SMCHD1: variants seen among roughly 807,000 people sequenced by gnomAD.
The protein encoded by SMCHD1 is structural maintenance of chromosomes flexible hinge domain containing 1.
SMCHD1 carries 78 observed loss-of-function variants against 254.7 expected under a neutral mutation model. The observed-to-expected ratio is 0.31, with a 90% confidence interval of 0.26 to 0.37. SMCHD1 has a LOEUF of 0.37. SMCHD1 is among the 10% of genes least tolerant of loss of function. The pLI is 1.00. For missense variants in SMCHD1, 1,840 were observed against 2,408.1 expected (o/e 0.76, Z 4.94); for synonymous variants, 766 against 794.9 (o/e 0.96, Z 0.61).
At chr18:2,739,831 TC>T (rs1341442280) in intron 27 of SMCHD1, among the ~76,000 whole-genome samples, 1 of 152,126 alleles carries the variant, frequency 6.6e-6, no homozygotes, top group Admixed American at 6.6e-5. Context: ...ATGCCTGTAG[TC>T]CCAGTTACCC....
intron 5 of SMCHD1, among the ~76,000 whole-genome samples, chr18:2,683,574 AAAG>A (rs1214346108): frequency 6.6e-6 from 1 of 152,180 alleles, no homozygotes; most frequent in East Asian, 1.9e-4. Context: ...GTGTCTTTGA[AAAG>A]AAGGTGTATT....
chr18:2,783,792 C>G (rs754096989), intron 44 of SMCHD1, among the ~76,000 whole-genome samples: 1 of 152,048 alleles, frequency 6.6e-6, no homozygotes, highest in African/African-American at 2.4e-5. Flanking sequence ...AGGCTGGTCT[C>G]GAACTCCTGA....
chr18:2,732,227 A>C (rs2075155111), intron 24 of SMCHD1, 38 bp from the exon 25 acceptor site: 1 of 1,509,572 alleles, frequency 6.6e-7, no homozygotes, highest in South Asian at 1.2e-5. Context: ...ATTTCAGTAC[A>C]GATATCACTC....
chr18:2,777,716 G>A (rs931231654), intron 42 of SMCHD1, 90 bp from the exon 43 acceptor site: 2 of 637,738 alleles, frequency 3.1e-6, no homozygotes. Context: ...TCAAAATGAT[G>A]TGCAATATAT....
At position 2,725,429 on chromosome 18, in the gene SMCHD1, T is replaced by C. The variant is rs191265347; in HGVS notation, c.2700+434T>C. On this transcript the variant is annotated intron_variant, in intron 21 of 47. Transcript: ENST00000320876. ...TAAACATATCACTTTGGTATTTAGA[T>C]AAAAGGAAGTGTTTGGTGAGAGATA... 4.0e-5 allele frequency among the ~76,000 whole-genome samples: 6 copies of C among 151,886 alleles called. No homozygotes were observed. The East Asian group carries it at 1.2e-3, about 29-fold the overall frequency.
intron 17 of SMCHD1, among the ~76,000 whole-genome samples, chr18:2,710,877 A>G (rs1159844635): frequency 6.6e-6 from 1 of 152,184 alleles, no homozygotes; most frequent in Non-Finnish European, 1.5e-5. Context: ...TTTATCATGA[A>G]AGAGTATTGT....
intron 1 of SMCHD1, among the ~76,000 whole-genome samples, chr18:2,658,930 A>G (rs868500938): frequency 6.8e-5 from 10 of 146,730 alleles, no homozygotes; most frequent in East Asian, 5.8e-4. Flanking sequence ...ATATACACAT[A>G]TATACACATA....
At position 2,688,714 on chromosome 18, in the gene SMCHD1, G is replaced by A. The variant is rs776098041; in HGVS notation, c.840G>A (p.Glu280=). The change falls in exon 7 of 48, where the codon GAG becomes GAA. Residue 280 remains glutamate (E), a synonymous_variant. Coordinates refer to ENST00000320876, the MANE Select transcript of SMCHD1 (RefSeq NM_015295.3). ...EDFEKKEKNK[E]AIYSGYIRNR... Reference sequence around the variant, plus strand: ...TTGAGAAGAAGGAGAAAAATAAAGAGGCAATATATAGTGGATATATTAGAA... The same window carrying A: ...TTGAGAAGAAGGAGAAAAATAAAGAAGCAATATATAGTGGATATATTAGAA... 6.8e-7 allele frequency: 1 copy of A among 1,464,292 alleles called. No homozygotes were observed. Among genetic ancestry groups the A allele is most frequent in the Non-Finnish European group, 9.4e-7 (1 of 1,068,466 alleles). The allele number at this position is 1,464,292 out of a possible 1,614,324, so 90.7% of individuals were successfully genotyped here.
intron 5 of SMCHD1, among the ~76,000 whole-genome samples, chr18:2,679,526 C>CT (rs1401488146): frequency 7.3e-6 from 1 of 136,522 alleles, no homozygotes; most frequent in Non-Finnish European, 1.6e-5. Flanking sequence ...AGTCTTTTGT[C>CT]TTTCAACACT....
intron 45 of SMCHD1, among the ~76,000 whole-genome samples, chr18:2,785,814 G>A (rs1336405687): frequency 6.6e-6 from 1 of 151,960 alleles, no homozygotes; most frequent in African/African-American, 2.4e-5. Flanking sequence ...CTCTCTGAAT[G>A]TGACTTCTAG....
chr18:2,751,427 A>G, intron 33 of SMCHD1, 34 bp downstream of exon 33: 1 of 1,224,956 alleles, frequency 8.2e-7, no homozygotes, highest in Non-Finnish European at 1.2e-6. Flanking sequence ...GAAGTTAAAA[A>G]TAGTTCTTAC....
Position 2,726,566 on chromosome 18 carries a change from C to T in SMCHD1, c.2773+42C>T, listed in dbSNP as rs1402015636. ...AAATATAATTATTTAAAATAATTTT[C>T]TTATGTTAAAGTATAATGATATGAA... On this transcript the variant is annotated intron_variant, in intron 22 of 47. Coordinates refer to ENST00000320876, the MANE Select transcript of SMCHD1 (RefSeq NM_015295.3). The T allele has an allele frequency of 4.9e-6, 5 of 1,016,512 alleles. No homozygotes were observed. In the East Asian group the frequency reaches 1.2e-4, roughly 24 times the overall value. 63.0% of individuals were successfully genotyped at this position (1,016,512 alleles called of 1,614,324 possible).
chr18:2,753,446 T>C (rs115016853), intron 34 of SMCHD1, among the ~76,000 whole-genome samples: 76 of 152,304 alleles, frequency 5.0e-4, no homozygotes, highest in African/African-American at 1.7e-3. Flanking sequence ...AAAAGTAAAA[T>C]TGCTGGGTCA....
rs182988777 is a variant in SMCHD1, at chr18:2,660,919, G to A, written c.186+4658G>A. Among the ~76,000 whole-genome samples the A allele has an allele frequency of 2.0e-5, 3 of 152,108 alleles. No homozygotes were observed. In the East Asian group the frequency reaches 5.8e-4, roughly 29 times the overall value. ...CACTATTTACAATAGTAAAGACGTG[G>A]GACCAACACAAATGCCTATTGATGA... On this transcript the variant is annotated intron_variant, in intron 1 of 47. Transcript: ENST00000320876.
chr18:2,740,544 C>T (rs556223469), intron 27 of SMCHD1, among the ~76,000 whole-genome samples, 159 bp from the exon 28 acceptor site: 11 of 151,574 alleles, frequency 7.3e-5, no homozygotes, highest in Admixed American at 4.6e-4. Context: ...TTTATTTTGT[C>T]GTGAATTTAA....
intron 42 of SMCHD1, among the ~76,000 whole-genome samples, chr18:2,777,423 T>G (rs774838277): frequency 6.6e-6 from 1 of 152,234 alleles, no homozygotes; most frequent in Non-Finnish European, 1.5e-5. Context: ...CTTCCTCATA[T>G]GTGTCTCAGT....
chr18:2,758,114 T>C (rs527456356), intron 34 of SMCHD1, among the ~76,000 whole-genome samples: 1 of 152,306 alleles, frequency 6.6e-6, no homozygotes, highest in East Asian at 1.9e-4. Context: ...ATTATCGTTT[T>C]TTTCCTGATA....
At chr18:2,725,456 A>G (rs2075008649) in intron 21 of SMCHD1, among the ~76,000 whole-genome samples, 2 of 151,950 alleles carry the variant, frequency 1.3e-5, no homozygotes, top group Non-Finnish European at 1.5e-5. Context: ...TGAGAGATAC[A>G]GTTAAGGAAG....
intron 28 of SMCHD1, among the ~76,000 whole-genome samples, 155 bp downstream of exon 28, chr18:2,740,976 C>A (rs1412779995): frequency 6.6e-6 from 1 of 152,110 alleles, no homozygotes; most frequent in African/African-American, 2.4e-5. Context: ...AAAGTTTGAA[C>A]ATATGCAGAA....
Sources: gnomAD v4.1 joint callset for allele counts (sites outside exome capture counted in the v4.1 genomes callset) on GRCh38, gnomAD v4.1.1 for gene constraint, MANE v1.5 for transcripts, NCBI Gene and HGNC (gene_info 2026-07-23, HGNC 2026-07-21) for gene names.